UNC5D: variants seen among roughly 807,000 people sequenced by gnomAD.
The protein encoded by UNC5D is netrin receptor UNC5D.
UNC5D carries 39 observed loss-of-function variants against 105.4 expected under a neutral mutation model. The ratio of observed to expected loss-of-function variants is 0.37; its 90% confidence interval spans 0.29 to 0.48. The LOEUF (loss-of-function observed/expected upper bound fraction) is 0.48, where lower values mean the gene tolerates loss of function less well. Ranked by LOEUF, UNC5D falls within the 20% of genes least tolerant of loss-of-function variation. UNC5D has a pLI of 0.98. For missense variants in UNC5D, 991 were observed against 1,202.4 expected (o/e 0.82, Z 2.60); for synonymous variants, 452 against 450.4 (o/e 1.00, Z -0.04).
intron 3 of UNC5D, among the ~76,000 whole-genome samples, chr8:35,582,530 G>A (rs1057310398): frequency 6.6e-6 from 1 of 152,142 alleles, no homozygotes; most frequent in African/African-American, 2.4e-5. Flanking sequence ...AGGCCATGCT[G>A]GAGGTAGGAG....
intron 16 of UNC5D, among the ~76,000 whole-genome samples, chr8:35,787,737 C>G (rs1471695668): frequency 6.6e-6 from 1 of 152,138 alleles, no homozygotes; most frequent in African/African-American, 2.4e-5. Context: ...CCTACTGGAA[C>G]CTCCTGAGTA....
intron 12 of UNC5D, 116 bp downstream of exon 12, chr8:35,748,811 T>A: frequency 8.1e-7 from 1 of 1,228,864 alleles, no homozygotes; most frequent in Non-Finnish European, 1.1e-6. Context: ...AAAGGGTTGG[T>A]GGCAAGTGTT....
chr8:35,289,026 T>A (rs1806834286), intron 1 of UNC5D, among the ~76,000 whole-genome samples: 1 of 152,074 alleles, frequency 6.6e-6, no homozygotes, highest in African/African-American at 2.4e-5. Context: ...CTTGAATATA[T>A]GTGGTGTAAA....
intron 1 of UNC5D, among the ~76,000 whole-genome samples, chr8:35,542,347 C>T (rs1006092064): frequency 6.6e-6 from 1 of 152,168 alleles, no homozygotes; most frequent in Non-Finnish European, 1.5e-5. Context: ...CTATTGTATT[C>T]TCTTTTAGAT....
intron 1 of UNC5D, among the ~76,000 whole-genome samples, chr8:35,266,820 C>T (rs1366279090): frequency 1.3e-5 from 2 of 152,070 alleles, no homozygotes; most frequent in African/African-American, 4.8e-5. Context: ...CTACACATGG[C>T]CTTTTTGTAT....
At chr8:35,472,983 C>T (rs565658987) in intron 1 of UNC5D, among the ~76,000 whole-genome samples, 21 of 152,294 alleles carry the variant, frequency 1.4e-4, no homozygotes, top group African/African-American at 5.1e-4. Context: ...CAGAGTTGGT[C>T]TTATTGGGCT....
chr8:35,240,438 A>G (rs1177212943), intron 1 of UNC5D, among the ~76,000 whole-genome samples: 5 of 152,254 alleles, frequency 3.3e-5, no homozygotes, highest in Admixed American at 2.6e-4. Flanking sequence ...TTAGTTGAGT[A>G]TGAAATAATA....
At chr8:35,457,252 T>C (rs1194653490) in intron 1 of UNC5D, among the ~76,000 whole-genome samples, 1 of 152,190 alleles carries the variant, frequency 6.6e-6, no homozygotes, top group African/African-American at 2.4e-5. Context: ...ATTTCAAACA[T>C]AATTGGAAAG....
chr8:35,642,594 A>T (rs1822810623), intron 4 of UNC5D, among the ~76,000 whole-genome samples: 1 of 152,070 alleles, frequency 6.6e-6, no homozygotes, highest in South Asian at 2.1e-4. Flanking sequence ...GCTTTTCTGA[A>T]GCCTGCGAAA....
chr8:35,275,219 T>C (rs1169433112), intron 1 of UNC5D, among the ~76,000 whole-genome samples: 1 of 151,990 alleles, frequency 6.6e-6, no homozygotes, highest in Non-Finnish European at 1.5e-5. Context: ...TTGTGCTACC[T>C]ATTTTGACCA....
intron 7 of UNC5D, among the ~76,000 whole-genome samples, chr8:35,699,329 A>C (rs1827012578): frequency 6.6e-6 from 1 of 152,202 alleles, no homozygotes; most frequent in Admixed American, 6.5e-5. Context: ...GCTTTGACTA[A>C]GGGCAATTCA....
At chr8:35,272,443 G>A (rs542111025) in intron 1 of UNC5D, among the ~76,000 whole-genome samples, 1 of 152,260 alleles carries the variant, frequency 6.6e-6, no homozygotes, top group Non-Finnish European at 1.5e-5. Flanking sequence ...CAATATCCTT[G>A]CAGCAGAGGC....
At chr8:35,602,874 TC>T (rs1819992981) in intron 4 of UNC5D, among the ~76,000 whole-genome samples, 1 of 63,184 alleles carries the variant, frequency 1.6e-5, no homozygotes, top group Admixed American at 2.3e-4. Context: ...CCTTCCCCCC[TC>T]CCCCCACCCC....
chr8:35,654,691 C>A (rs1180719092), intron 4 of UNC5D, among the ~76,000 whole-genome samples: 1 of 151,556 alleles, frequency 6.6e-6, no homozygotes, highest in Non-Finnish European at 1.5e-5. Context: ...AGTAAGATTT[C>A]TTTGCACATC....
At chr8:35,495,780 A>T (rs1225591868) in intron 1 of UNC5D, among the ~76,000 whole-genome samples, 1 of 151,834 alleles carries the variant, frequency 6.6e-6, no homozygotes, top group African/African-American at 2.4e-5. Context: ...AGCAGTAAAA[A>T]CCCTATTTTT....
intron 1 of UNC5D, among the ~76,000 whole-genome samples, chr8:35,365,890 T>G (rs1249910759): frequency 1.3e-5 from 2 of 152,200 alleles, no homozygotes; most frequent in Non-Finnish European, 2.9e-5. Context: ...TTGAAAGGTT[T>G]CACCTGTGGT....
chr8:35,667,862 T>A (rs1824533231), intron 4 of UNC5D, among the ~76,000 whole-genome samples: 1 of 152,208 alleles, frequency 6.6e-6, no homozygotes, highest in Non-Finnish European at 1.5e-5. Flanking sequence ...TGAAGAACAT[T>A]TGGTTTGTTT....
chr8:35,456,122 G>A (rs550554588), intron 1 of UNC5D, among the ~76,000 whole-genome samples: 139 of 152,216 alleles, frequency 9.1e-4, no homozygotes, highest in Non-Finnish European at 1.1e-3. Flanking sequence ...TATTAAAAGA[G>A]GTAAATGCAT....
At chr8:35,722,613 A>G (rs1004051446) in intron 9 of UNC5D, among the ~76,000 whole-genome samples, 3 of 152,224 alleles carry the variant, frequency 2.0e-5, no homozygotes, top group African/African-American at 7.2e-5. Context: ...ATTATCAGCA[A>G]CATTTTCAAT....
Sources: allele counts gnomAD v4.1 joint callset (sites outside exome capture counted in the v4.1 genomes callset), GRCh38; gene constraint gnomAD v4.1.1; transcripts MANE v1.5; gene names NCBI Gene and HGNC (gene_info 2026-07-23, HGNC 2026-07-21).